The following SLC4A5 variants were observed in gnomAD, a reference collection of about 807,000 sequenced individuals.
The protein encoded by SLC4A5 is solute carrier family 4 member 5.
SLC4A5 carries 96 observed loss-of-function variants against 120.4 expected under a neutral mutation model. The ratio of observed to expected loss-of-function variants is 0.80; its 90% CI spans 0.68 to 0.94. The LOEUF (loss-of-function observed/expected upper bound fraction) is 0.94. Among genes scored for constraint, SLC4A5 ranks in the 40% least tolerant of loss-of-function variants. The pLI is 0.00. For missense variants in SLC4A5, 1,259 were observed against 1,459.5 expected, an observed-to-expected ratio of 0.86 and a Z score of 2.24; for synonymous variants, 550 against 571.1, an observed-to-expected ratio of 0.96 and a Z score of 0.53.
At chr2:74,327,416 TG>T (rs1221683926) in intron 5 of SLC4A5, among the ~76,000 whole-genome samples, 1 of 152,226 alleles carries the variant, frequency 6.6e-6, no homozygotes, top group Non-Finnish European at 1.5e-5. Flanking sequence ...GGGGTCATGC[TG>T]GGCTTTAGAA....
chr2:74,306,775 C>T, intron 6 of SLC4A5: 1 of 910,672 alleles, frequency 1.1e-6, no homozygotes, highest in South Asian at 1.3e-5. Context: ...ACTTTGCCAT[C>T]CACTATCCAG....
At chr2:74,269,149 G>A (rs1671393027) in intron 8 of SLC4A5, among the ~76,000 whole-genome samples, 1 of 152,152 alleles carries the variant, frequency 6.6e-6, no homozygotes, top group Non-Finnish European at 1.5e-5. Flanking sequence ...AAAGTAAGAT[G>A]TTTCTAAAAG....
At chr2:74,304,738 C>T in intron 6 of SLC4A5, 58 bp from the exon 7 acceptor site, 1 of 1,516,436 alleles carries the variant, frequency 6.6e-7, no homozygotes, top group Admixed American at 1.9e-5. Flanking sequence ...GGCATTTTTT[C>T]ATAATATTCA....
chr2:74,331,356 G>A (rs1377218440), intron 4 of SLC4A5, among the ~76,000 whole-genome samples: 1 of 151,802 alleles, frequency 6.6e-6, no homozygotes, highest in Non-Finnish European at 1.5e-5. Context: ...AGGGTAGTGA[G>A]GTGTAGATGG....
At chr2:74,312,387 G>A (rs1347566524) in intron 6 of SLC4A5, among the ~76,000 whole-genome samples, 1 of 151,802 alleles carries the variant, frequency 6.6e-6, no homozygotes, top group Non-Finnish European at 1.5e-5. Context: ...ATGCCACCAT[G>A]CCTGGCTAAT....
intron 12 of SLC4A5, 118 bp downstream of exon 12, chr2:74,259,470 G>T: frequency 1.7e-6 from 2 of 1,182,952 alleles, no homozygotes; most frequent in Non-Finnish European, 2.5e-6. Flanking sequence ...GGATCTTCCT[G>T]GAACTCCCAC....
exon 31 of SLC4A5, chr2:74,217,047 T>TA (rs1454941077): frequency 6.6e-6 from 1 of 152,262 alleles, no homozygotes; most frequent in African/African-American, 2.4e-5. Context: ...ATCAAACACT[T>TA]ATTGAGAGCT....
At chr2:74,242,089 G>A (rs752006629) in intron 19 of SLC4A5, 37 bp from the exon 20 acceptor site, 5 of 1,583,700 alleles carry the variant, frequency 3.2e-6, no homozygotes, top group Non-Finnish European at 8.6e-7. Flanking sequence ...AGGGTCAGCA[G>A]CTGTGGGGCT....
intron 7 of SLC4A5, among the ~76,000 whole-genome samples, chr2:74,293,733 C>T (rs768998900): frequency 3.3e-5 from 5 of 152,222 alleles, no homozygotes; most frequent in Non-Finnish European, 7.3e-5. Context: ...TCTCTCCCCA[C>T]ACCCCTTCTC....
chr2:74,231,933 C>T (rs1427849222), intron 24 of SLC4A5, among the ~76,000 whole-genome samples: 3 of 152,114 alleles, frequency 2.0e-5, no homozygotes, highest in Admixed American at 6.5e-5. Flanking sequence ...TTGGTGTGGT[C>T]TCGCCCTGGA....
At chr2:74,278,004 TTCTC>T (rs1320085643) in intron 8 of SLC4A5, among the ~76,000 whole-genome samples, 1 of 152,122 alleles carries the variant, frequency 6.6e-6, no homozygotes, top group Non-Finnish European at 1.5e-5. Flanking sequence ...ATGGGGACCA[TTCTC>T]TCTACTTTTT....
intron 1 of SLC4A5, 131 bp downstream of exon 1, chr2:74,343,225 A>G (rs1673664079): frequency 6.6e-6 from 1 of 152,192 alleles, no homozygotes. Flanking sequence ...AGCAAAAAGC[A>G]ATAAAATTCT....
chr2:74,247,227 G>C, exon 19 of SLC4A5: 1 of 1,614,242 alleles, frequency 6.2e-7, no homozygotes, highest in Non-Finnish European at 8.5e-7. Context: ...GCTGGCATCT[G>C]TGGCCACTAG....
intron 18 of SLC4A5, among the ~76,000 whole-genome samples, chr2:74,248,111 G>A (rs949694541): frequency 1.3e-5 from 2 of 152,198 alleles, no homozygotes; most frequent in Admixed American, 6.5e-5. Flanking sequence ...ACTGAGTGGT[G>A]TGAATTTTCT....
At chr2:74,229,921 G>C (rs1695003034) in intron 25 of SLC4A5, among the ~76,000 whole-genome samples, 1 of 138,402 alleles carries the variant, frequency 7.2e-6, no homozygotes, top group Admixed American at 7.8e-5. Flanking sequence ...TCACTCTGTT[G>C]CCCAGGCTGG....
intron 25 of SLC4A5, among the ~76,000 whole-genome samples, chr2:74,228,126 A>T (rs1694914810): frequency 6.6e-6 from 1 of 152,128 alleles, no homozygotes. Context: ...CCCTCACTGC[A>T]CCGTGCGGAG....
intron 11 of SLC4A5, among the ~76,000 whole-genome samples, chr2:74,260,249 C>T (rs1038379108): frequency 6.6e-6 from 1 of 152,212 alleles, no homozygotes; most frequent in African/African-American, 2.4e-5. Context: ...TCAGACCTAT[C>T]GTGTCTCGGC....
At chr2:74,245,804 T>A (rs1415783021) in intron 19 of SLC4A5, among the ~76,000 whole-genome samples, 1 of 152,206 alleles carries the variant, frequency 6.6e-6, no homozygotes, top group African/African-American at 2.4e-5. Flanking sequence ...GACTTATGAT[T>A]TTTTTTACCC....
intron 7 of SLC4A5, among the ~76,000 whole-genome samples, chr2:74,290,045 AC>A (rs1672108060): frequency 6.8e-6 from 1 of 146,462 alleles, no homozygotes; most frequent in African/African-American, 2.5e-5. Context: ...TCACCCAGCC[AC>A]CCCGACCCCA....
Sources: gnomAD v4.1 joint callset for allele counts (sites outside exome capture counted in the v4.1 genomes callset) on GRCh38, gnomAD v4.1.1 for gene constraint, MANE v1.5 for transcripts, NCBI Gene and HGNC (gene_info 2026-07-23, HGNC 2026-07-21) for gene names.